Variants in FAM185A observed in about 807,000 individuals in gnomAD.
FAM185A encodes the protein protein FAM185A.
In FAM185A, 21 loss-of-function variants were observed where a neutral mutation model predicts 45.7. That is an observed-to-expected ratio of 0.46 (90% CI 0.33 to 0.66). The LOEUF (loss-of-function observed/expected upper bound fraction) is 0.66, where lower values mean the gene tolerates loss of function less well. Ranked by LOEUF, FAM185A falls within the 30% of genes least tolerant of loss-of-function variation. FAM185A has a pLI of 0.03. For missense variants in FAM185A, 305 were observed against 485.4 expected, an observed-to-expected ratio of 0.63 and a Z score of 3.49; for synonymous variants, 117 against 194.0, an observed-to-expected ratio of 0.60 and a Z score of 3.30.
At chr7:102,795,699 T>A (rs1016602801) in intron 7 of FAM185A, among the ~76,000 whole-genome samples, 1 of 151,818 alleles carries the variant, frequency 6.6e-6, no homozygotes, top group Non-Finnish European at 1.5e-5. Context: ...TGCCTGTTCT[T>A]CCCACCAGAC....
chr7:102,754,827 A>G (rs1366472121), intron 2 of FAM185A, among the ~76,000 whole-genome samples: 9 of 152,338 alleles, frequency 5.9e-5, no homozygotes, highest in African/African-American at 1.7e-4. Flanking sequence ...ATTGAATGTC[A>G]CACATTTGCA....
At chr7:102,751,180 T>G (rs1156516673) in intron 1 of FAM185A, among the ~76,000 whole-genome samples, 1 of 152,180 alleles carries the variant, frequency 6.6e-6, no homozygotes, top group Non-Finnish European at 1.5e-5. Flanking sequence ...CCTCCCAAAG[T>G]GCTGGTATTA....
At chr7:102,788,763 TACTATACACCG>T (rs1379482381) in intron 7 of FAM185A, among the ~76,000 whole-genome samples, 3 of 152,216 alleles carry the variant, frequency 2.0e-5, no homozygotes, top group African/African-American at 7.2e-5. Context: ...TGGTACAGCC[TACTATACACCG>T]AGGCTGTGTA....
chr7:102,799,618 A>T (rs1332834057), intron 7 of FAM185A, among the ~76,000 whole-genome samples: 1 of 152,220 alleles, frequency 6.6e-6, no homozygotes, highest in Admixed American at 6.5e-5. Context: ...TAGTGTAATC[A>T]CAACTCTCCT....
chr7:102,749,698 A>G (rs1158464700), intron 1 of FAM185A, 40 bp downstream of exon 1: 2 of 1,488,494 alleles, frequency 1.3e-6, no homozygotes, highest in Admixed American at 4.8e-5. Flanking sequence ...GGTCCCAGGG[A>G]ACGCACAGTG....
chr7:102,786,044 A>G (rs900874606), intron 6 of FAM185A, among the ~76,000 whole-genome samples: 1 of 152,224 alleles, frequency 6.6e-6, no homozygotes, highest in African/African-American at 2.4e-5. Context: ...ACTTCTCAAA[A>G]GAAGACATTT....
At chr7:102,781,355 A>G (rs999390320) in intron 6 of FAM185A, among the ~76,000 whole-genome samples, 3 of 152,232 alleles carry the variant, frequency 2.0e-5, no homozygotes, top group Non-Finnish European at 4.4e-5. Flanking sequence ...GAGAATGGAC[A>G]GACTGCCTCA....
Position 102,749,233 on chromosome 7 carries a change from A to T in FAM185A, c.26A>T (p.Glu9Val). The T allele has an allele frequency of 6.4e-7, 1 of 1,551,042 alleles. No individual in the cohort carries two copies. The change falls in exon 1 of 8, where the codon GAG (glutamate) becomes GTG (valine). Residue 9 changes from glutamate to valine, a missense_variant. By Grantham distance (121) the Glu-to-Val change is moderately radical. Around this residue, in one of 5 missense-constraint regions of FAM185A, gnomAD observed 174 missense variants for 247.1 expected, o/e 0.70. Coordinates refer to ENST00000413034, the MANE Select transcript of FAM185A (RefSeq NM_001145268.2). ...ATGCTTGCCCCCTGCTCAGGTTGGG[A>T]GCTTGGCTGCTTCCGTCTCTGTCTC... MLAPCSGWELGCFRLCLRQ... is the reference protein window; with the variant it reads MLAPCSGWVLGCFRLCLRQ...
intron 2 of FAM185A, among the ~76,000 whole-genome samples, chr7:102,756,132 C>T (rs9690623): frequency 0.85 from 128,165 of 151,078 alleles, 54,667 homozygotes; most frequent in Admixed American, 0.89. Context: ...TTTTTTTTCT[C>T]TAAGAGACAG....
At chr7:102,836,599 C>T in the FAM185A span, among the ~76,000 whole-genome samples, 3 of 152,180 alleles carry the variant, frequency 2.0e-5, no homozygotes, top group Non-Finnish European at 4.4e-5. Context: ...CAAACATTAT[C>T]AAGTTTGGCT....
intron 5 of FAM185A, among the ~76,000 whole-genome samples, chr7:102,776,116 A>ACATATACACACACACACACACACACAC (rs1198677194): frequency 2.8e-4 from 35 of 126,628 alleles, no homozygotes; most frequent in East Asian, 1.8e-3. Context: ...ACACACACAC[A>ACATATACACACACACACACACACACAC]AATGTTTTCT....
the FAM185A span, chr7:102,822,025 C>A: frequency 2.5e-6 from 4 of 1,613,580 alleles, no homozygotes; most frequent in East Asian, 6.7e-5. Flanking sequence ...TTGTCATAGT[C>A]AGGTACATAC....
chr7:102,828,931 C>T, the FAM185A span, among the ~76,000 whole-genome samples: 2 of 152,182 alleles, frequency 1.3e-5, no homozygotes, highest in African/African-American at 2.4e-5. Context: ...ACCCAGTTCT[C>T]TCCCTTTTGT....
At chr7:102,769,474 C>G (rs1429883387) in intron 4 of FAM185A, among the ~76,000 whole-genome samples, 1 of 151,736 alleles carries the variant, frequency 6.6e-6, no homozygotes, top group East Asian at 1.9e-4. Context: ...TTATTAAAGA[C>G]TAGTGTAAAA....
At chr7:102,764,777 C>T (rs572412420) in intron 4 of FAM185A, among the ~76,000 whole-genome samples, 32 of 151,334 alleles carry the variant, frequency 2.1e-4, no homozygotes, top group Admixed American at 2.1e-3. Flanking sequence ...TTTACTTTAG[C>T]TTCTTTTTTC....
chr7:102,847,596 G>A, the FAM185A span, among the ~76,000 whole-genome samples: 5 of 150,806 alleles, frequency 3.3e-5, no homozygotes, highest in Non-Finnish European at 5.9e-5. Context: ...GTGTGATCTC[G>A]GCTCACTGCA....
intron 7 of FAM185A, among the ~76,000 whole-genome samples, chr7:102,793,766 C>T (rs1343512773): frequency 2.6e-5 from 4 of 151,548 alleles, no homozygotes; most frequent in African/African-American, 7.3e-5. Context: ...CGGCCGGGCA[C>T]GGTCGCTCAC....
At chr7:102,845,586 C>T in the FAM185A span, among the ~76,000 whole-genome samples, 1 of 152,190 alleles carries the variant, frequency 6.6e-6, no homozygotes, top group African/African-American at 2.4e-5. Flanking sequence ...TCTTTAACCA[C>T]ATCTTCACAC....
intron 7 of FAM185A, among the ~76,000 whole-genome samples, chr7:102,801,194 C>T (rs1387469606): frequency 6.6e-6 from 1 of 152,140 alleles, no homozygotes; most frequent in African/African-American, 2.4e-5. Context: ...TTCACCACTA[C>T]CAAGCCACCA....
Sources: gnomAD v4.1 joint callset for allele counts (sites outside exome capture counted in the v4.1 genomes callset) on GRCh38, gnomAD v4.1.1 for gene constraint, gnomAD v4.1.1 regional missense constraint, MANE v1.5 for transcripts, NCBI Gene and HGNC (gene_info 2026-07-23, HGNC 2026-07-21) for gene names.